Variants in OR10J1 observed in about 807,000 individuals in gnomAD.
OR10J1 encodes the protein olfactory receptor 10J1.
For synonymous variants in OR10J1, 202 were observed against 143.8 expected, an observed-to-expected ratio of 1.40 and a Z score of -2.89; for missense variants, 474 against 376.6, an observed-to-expected ratio of 1.26 and a Z score of -2.14.
At chr1:159,438,208 G>A (rs1370152916), upstream of OR10J1, among the ~76,000 whole-genome samples, 6 of 152,160 alleles carry the variant, frequency 3.9e-5, no homozygotes, top group Admixed American at 6.5e-5. Context: ...CCAAGAGTGG[G>A]GAGGATGCTA....
the OR10J1 span, among the ~76,000 whole-genome samples, chr1:159,410,382 A>T: frequency 7.2e-5 from 11 of 151,864 alleles, no homozygotes; most frequent in East Asian, 1.9e-4. Flanking sequence ...CAGAGCCTGT[A>T]ATTGGTCTAT....
the OR10J1 span, among the ~76,000 whole-genome samples, chr1:159,426,562 GACAA>G: frequency 6.6e-6 from 1 of 151,688 alleles, no homozygotes; most frequent in African/African-American, 2.4e-5. Context: ...AAGATAAATT[GACAA>G]ACACACAATC....
upstream of OR10J1, among the ~76,000 whole-genome samples, chr1:159,434,641 A>C (rs1434885314): frequency 6.6e-6 from 1 of 152,146 alleles, no homozygotes; most frequent in Non-Finnish European, 1.5e-5. Flanking sequence ...ACAGAGAGGC[A>C]TGCATTCCCA....
In OR10J1 at chr1:159,440,303, G is replaced by A. The variant is rs188785669; in HGVS notation, c.512G>A (p.Arg171Lys). Residue 171 changes from arginine (R) to lysine (K), a missense_variant, in exon 1 of 1, where the codon AGA becomes AAA. Arg to Lys is a conservative substitution (Grantham distance 26). Transcript: ENST00000423932. ...TSVFRLPFCA[R>K]KVPHFFCDIR... ...GTATTCAGGTTACCCTTCTGTGCTA[G>A]AAAGGTGCCCCACTTCTTCTGTGAC... The A allele has an allele frequency of 1.9e-6, 3 of 1,614,196 alleles. No homozygotes were observed. The highest frequency in any genetic ancestry group is 3.3e-5 in the Admixed American group (2 of 60,022).
chr1:159,412,255 A>T, the OR10J1 span, among the ~76,000 whole-genome samples: 1 of 151,888 alleles, frequency 6.6e-6, no homozygotes, highest in East Asian at 1.9e-4. Context: ...GAAAAAGGCC[A>T]TACTGCCCAA....
At chr1:159,427,591 G>T in the OR10J1 span, among the ~76,000 whole-genome samples, 1 of 151,838 alleles carries the variant, frequency 6.6e-6, no homozygotes, top group Non-Finnish European at 1.5e-5. Flanking sequence ...AATTAGACAA[G>T]AAATAGAAAA....
the OR10J1 span, among the ~76,000 whole-genome samples, chr1:159,423,794 A>G: frequency 6.6e-6 from 1 of 152,336 alleles, no homozygotes; most frequent in Admixed American, 6.5e-5. Context: ...GAATAAACTT[A>G]TAGATACTGA....
At chr1:159,415,180 T>G in the OR10J1 span, among the ~76,000 whole-genome samples, 786 of 152,252 alleles carry the variant, frequency 5.2e-3, 11 homozygotes, top group African/African-American at 0.017. Context: ...CTACGTTTTC[T>G]TCTAGTTATT....
the OR10J1 span, among the ~76,000 whole-genome samples, chr1:159,406,582 G>A: frequency 1.3e-5 from 2 of 152,138 alleles, no homozygotes; most frequent in South Asian, 2.1e-4. Context: ...ACTGGATTAA[G>A]GGCAGAGATC....
chr1:159,414,263 C>G, the OR10J1 span, among the ~76,000 whole-genome samples: 1 of 152,040 alleles, frequency 6.6e-6, no homozygotes, highest in African/African-American at 2.4e-5. Context: ...CACACCATTC[C>G]TAGGCTTTCG....
the OR10J1 span, among the ~76,000 whole-genome samples, chr1:159,422,623 A>T: frequency 6.6e-6 from 1 of 152,118 alleles, no homozygotes; most frequent in South Asian, 2.1e-4. Flanking sequence ...CAGGACAGAG[A>T]CTGGTGGAGG....
chr1:159,420,086 T>C, the OR10J1 span, among the ~76,000 whole-genome samples: 3 of 152,188 alleles, frequency 2.0e-5, no homozygotes, highest in African/African-American at 7.2e-5. Flanking sequence ...CTTCTTTGTC[T>C]CTTTTTACTG....
the OR10J1 span, among the ~76,000 whole-genome samples, chr1:159,398,332 CCA>C: frequency 6.6e-6 from 1 of 152,112 alleles, no homozygotes; most frequent in Non-Finnish European, 1.5e-5. Context: ...TCTTTGATTC[CCA>C]GACACTGAAG....
At chr1:159,397,591 G>A in the OR10J1 span, among the ~76,000 whole-genome samples, 1 of 152,082 alleles carries the variant, frequency 6.6e-6, no homozygotes, top group Non-Finnish European at 1.5e-5. Context: ...AGGCCTTAAA[G>A]GAATATTGAT....
the OR10J1 span, among the ~76,000 whole-genome samples, chr1:159,430,689 G>A: frequency 6.8e-6 from 1 of 146,672 alleles, no homozygotes; most frequent in Non-Finnish European, 1.5e-5. Flanking sequence ...ACATGTTTGG[G>A]TGGCCAAGCA....
chr1:159,399,530 C>T, the OR10J1 span, among the ~76,000 whole-genome samples: 2 of 138,538 alleles, frequency 1.4e-5, no homozygotes, highest in African/African-American at 5.4e-5. Context: ...GAGATCATGC[C>T]ACTGCACTCC....
At chr1:159,401,623 A>G in the OR10J1 span, among the ~76,000 whole-genome samples, 2 of 152,060 alleles carry the variant, frequency 1.3e-5, no homozygotes, top group East Asian at 3.8e-4. Context: ...TTTCCAGGAA[A>G]GAAAACCCAG....
At chr1:159,401,894 A>T in the OR10J1 span, among the ~76,000 whole-genome samples, 1 of 152,224 alleles carries the variant, frequency 6.6e-6, no homozygotes, top group African/African-American at 2.4e-5. Context: ...AAGATCATTT[A>T]TCATGACCAA....
chr1:159,421,275 G>A, the OR10J1 span, among the ~76,000 whole-genome samples: 1 of 151,946 alleles, frequency 6.6e-6, no homozygotes, highest in South Asian at 2.1e-4. Context: ...TATGACTTCA[G>A]TAATTTTAAA....
Sources: allele counts gnomAD v4.1 joint callset (sites outside exome capture counted in the v4.1 genomes callset), GRCh38; gene constraint gnomAD v4.1.1; transcripts MANE v1.5; gene names NCBI Gene and HGNC (gene_info 2026-07-23, HGNC 2026-07-21).